TMEM132A: variants seen among roughly 807,000 people sequenced by gnomAD.
TMEM132A encodes the protein transmembrane protein 132A, also known as GRP78-binding protein.
Under a neutral mutation model 69.9 loss-of-function variants are expected in TMEM132A, and 48 were observed. The ratio of observed to expected loss-of-function variants is 0.69; its 90% CI spans 0.55 to 0.87. TMEM132A has a LOEUF of 0.87. TMEM132A is among the 40% of genes least tolerant of loss of function. The pLI is 0.00. For missense variants in TMEM132A, 1,287 were observed against 1,407.2 expected (o/e 0.91, Z 1.37); for synonymous variants, 577 against 613.7 (o/e 0.94, Z 0.88).
chr11:60,927,163 C>T (rs1262615681), intron 1 of TMEM132A, 41 bp from the exon 2 acceptor site: 1 of 1,573,520 alleles, frequency 6.4e-7, no homozygotes, highest in African/African-American at 1.3e-5. Context: ...CCCCTGCCAG[C>T]TCTGGAGCTG....
At position 60,933,604 on chromosome 11, in the gene TMEM132A, G is replaced by A; in HGVS notation, c.1419G>A (p.Val473=). 1 of 1,607,150 alleles carries A rather than the reference G, an allele frequency of 6.2e-7. No individual in the cohort carries two copies. The highest frequency in any genetic ancestry group is 8.5e-7 in the Non-Finnish European group (1 of 1,179,348). ...AGGAGAGCCGGGGCGCCCGGGGGGT[G>A]CGAGTGGACTTCTGGTGGCGCCGGC... is the stretch of plus-strand genomic sequence containing the variant. The part of the protein sequence containing the change: ...AGKESRGARG[V]RVDFWWRRLR... The change falls in exon 8 of 11, where the codon GTG becomes GTA. Residue 473 remains valine (V), a synonymous_variant. Transcript: ENST00000453848.
Position 60,924,654 on chromosome 11 carries a change from T to A in TMEM132A, c.21T>A (p.Gly7=). The change falls in exon 1 of 11, where the codon GGT becomes GGA. Residue 7 remains glycine, a synonymous_variant. Transcript: ENST00000453848. MCARMA[G]RTTAAPRGPY... ...GAAGGATGTGCGCGCGGATGGCCGG[T>A]CGCACAACAGCGGCCCCTCGGGGGC... 6.3e-7 allele frequency: 1 copy of A among 1,594,292 alleles called. No homozygotes were observed. Among genetic ancestry groups the A allele is most frequent in the Non-Finnish European group, 8.5e-7 (1 of 1,176,424 alleles).
chr11:60,935,929 C>T lies in TMEM132A; in HGVS notation c.2094C>T (p.Asp698=), dbSNP rs1856584412. The change falls in exon 11 of 11, where the codon GAC becomes GAT. Residue 698 remains aspartate, a synonymous_variant. Transcript: ENST00000453848. The surrounding 1 kb of genome is among the most constrained non-coding windows in gnomAD (Gnocchi z 5.0). ...CTGTGGCCCCAGCTGAGCTCTACGA[C>T]CGCCGTGACCTGGGACTGTCCGTCT... is the stretch of plus-strand genomic sequence containing the variant. ...DHTVAPAELY[D]RRDLGLSVSA... 3.1e-6 allele frequency: 5 copies of T among 1,612,036 alleles called. No individual in the cohort carries two copies. The highest frequency in any genetic ancestry group is 4.2e-6 in the Non-Finnish European group (5 of 1,179,998).
At position 60,930,554 on chromosome 11, in the gene TMEM132A, C is replaced by T. The variant is rs1252931505; in HGVS notation, c.911C>T (p.Ala304Val). 6.2e-7 allele frequency: 1 copy of T among 1,612,570 alleles called. No homozygotes were observed. The highest frequency in any genetic ancestry group is 1.1e-5 in the South Asian group (1 of 90,910). ...KGLHVTAARP[A>V]QPTLWTAKLD... ...CTGCATGTGACAGCCGCCCGCCCAG[C>T]CCAGCCCACACTCTGGACTGCCAAG... Residue 304 changes from alanine (A) to valine (V), a missense_variant, in exon 5 of 11, where the codon GCC becomes GTC. Coordinates refer to ENST00000453848, the MANE Select transcript of TMEM132A (RefSeq NM_178031.3).
At position 60,928,638 on chromosome 11, in the gene TMEM132A, G is replaced by A. The variant is rs1856402030; in HGVS notation, c.544G>A (p.Gly182Ser). The A allele has an allele frequency of 6.2e-7, 1 of 1,608,416 alleles. No individual in the cohort carries two copies. Among genetic ancestry groups the A allele is most frequent in the Non-Finnish European group, 8.5e-7 (1 of 1,179,884 alleles). The change falls in exon 4 of 11, where the codon GGC (glycine) becomes AGC (serine). Residue 182 changes from glycine (G) to serine (S), a missense_variant. Coordinates refer to ENST00000453848, the MANE Select transcript of TMEM132A (RefSeq NM_178031.3). The stretch of plus-strand genomic sequence containing the variant: ...TGTCGTGTCTTCACAGCCATCCCTG[G>A]GCGCCTGCGTGGTGGAGCTGGAGCT... ...HQACRFQPSL[G>S]ACVVELELPS...
In TMEM132A at chr11:60,936,206, A is replaced by G; in HGVS notation, c.2371A>G (p.Met791Val). The change falls in exon 11 of 11, where the codon ATG becomes GTG. Residue 791 changes from methionine to valine, a missense_variant. Transcript: ENST00000453848. ...AWSPPATEAT[M>V]GGKRQVAGSV... ...GAGCCCACCAGCCACAGAAGCCACCATGGGTGGTAAACGGCAGGTGGCAGG... is the reference window on the plus strand; with the variant it reads ...GAGCCCACCAGCCACAGAAGCCACCGTGGGTGGTAAACGGCAGGTGGCAGG... 6.2e-7 allele frequency: 1 copy of G among 1,613,756 alleles called. No individual in the cohort carries two copies. Among genetic ancestry groups the G allele is most frequent in the Non-Finnish European group, 8.5e-7 (1 of 1,179,878 alleles).
intron 8 of TMEM132A, chr11:60,934,223 C>G (rs1156637865): frequency 1.7e-5 from 7 of 401,588 alleles, no homozygotes; most frequent in Admixed American, 4.5e-5. Flanking sequence ...CCCCCAGGGT[C>G]CCCGTAAGAG....
At chr11:60,930,450 C>T in intron 4 of TMEM132A, 60 bp from the exon 5 acceptor site, 1 of 1,501,458 alleles carries the variant, frequency 6.7e-7, no homozygotes, top group Non-Finnish European at 8.9e-7. Flanking sequence ...CTTTCCCCTT[C>T]AATCCAGCCC....
chr11:60,935,923 C>G lies in TMEM132A; in HGVS notation c.2088C>G (p.Leu696=). 6.2e-7 allele frequency: 1 copy of G among 1,611,904 alleles called. No homozygotes were observed. The highest frequency in any genetic ancestry group is 1.1e-5 in the South Asian group (1 of 90,994). The change falls in exon 11 of 11, where the codon CTC becomes CTG. Residue 696 remains leucine (L), a synonymous_variant. Coordinates refer to ENST00000453848, the MANE Select transcript of TMEM132A (RefSeq NM_178031.3). The surrounding 1 kb of genome is among the most constrained non-coding windows in gnomAD (Gnocchi z 5.0). ...FSDHTVAPAE[L]YDRRDLGLSV... is the part of the protein sequence containing the mutation. ...ATCACACTGTGGCCCCAGCTGAGCT[C>G]TACGACCGCCGTGACCTGGGACTGT...
intron 1 of TMEM132A, among the ~76,000 whole-genome samples, chr11:60,926,283 TG>T (rs1856344983): frequency 6.6e-6 from 1 of 152,136 alleles, no homozygotes; most frequent in South Asian, 2.1e-4. Flanking sequence ...GGCTAATACC[TG>T]GGATCAACCC....
chr11:60,927,932 A>G (rs753749618), intron 3 of TMEM132A, 73 bp downstream of exon 3: 1 of 1,365,424 alleles, frequency 7.3e-7, no homozygotes, highest in Non-Finnish European at 1.0e-6. Context: ...CGCGGCAGAG[A>G]GGAAACCCCC....
Position 60,933,641 on chromosome 11 carries a change from C to T in TMEM132A, c.1456C>T (p.Leu486=), listed in dbSNP as rs372065551. 63 of 1,605,570 alleles carry T rather than the reference C, an allele frequency of 3.9e-5. No individual in the cohort carries two copies. In the Middle Eastern group the frequency reaches 6.3e-4, roughly 16 times the overall value. Reference sequence around the variant, plus strand: ...CTGGTGGCGCCGGCTCCGCGCCTCGCTGCGGCTGACCGTGTGGGCCCCCCT... The same window carrying T: ...CTGGTGGCGCCGGCTCCGCGCCTCGTTGCGGCTGACCGTGTGGGCCCCCCT... ...DFWWRRLRAS[L]RLTVWAPLLP... The change falls in exon 8 of 11, where the codon CTG becomes TTG. Residue 486 remains leucine, a synonymous_variant. Coordinates refer to ENST00000453848, the MANE Select transcript of TMEM132A (RefSeq NM_178031.3).
intron 4 of TMEM132A, 150 bp from the exon 5 acceptor site, chr11:60,930,360 C>A: frequency 2.3e-6 from 2 of 871,962 alleles, no homozygotes; most frequent in Non-Finnish European, 3.4e-6. Flanking sequence ...TGCACTGAGG[C>A]GGGGTCCTTC....
At position 60,924,609 on chromosome 11, in the gene TMEM132A, C is replaced by T; in HGVS notation, c.-25C>T. Reference sequence around the variant, plus strand: ...GACTGGGGCCACCTGAGCCGCCCGCCTCGTCCCCGCCTTCTGTGGGAAGGA... The same window carrying T: ...GACTGGGGCCACCTGAGCCGCCCGCTTCGTCCCCGCCTTCTGTGGGAAGGA... On this transcript the variant is annotated 5_prime_UTR_variant, in exon 1 of 11. Transcript: ENST00000453848. 1 of 1,573,142 alleles carries T rather than the reference C, an allele frequency of 6.4e-7. No individual in the cohort carries two copies. Among genetic ancestry groups the T allele is most frequent in the Non-Finnish European group, 8.6e-7 (1 of 1,166,158 alleles).
chr11:60,934,437 G>A, intron 8 of TMEM132A, 51 bp from the exon 9 acceptor site: 3 of 1,331,424 alleles, frequency 2.3e-6, no homozygotes, highest in South Asian at 1.9e-5. Flanking sequence ...GCCCTGGGCA[G>A]GCTGGGGCCG....
At chr11:60,928,502 C>G in intron 3 of TMEM132A, 127 bp from the exon 4 acceptor site, 1 of 884,734 alleles carries the variant, frequency 1.1e-6, no homozygotes, top group South Asian at 1.7e-5. Context: ...GGCTGTGTCT[C>G]CGGCCCATGC....
rs1464145480 is a variant in TMEM132A, at chr11:60,928,755, T to A, written c.661T>A (p.Ser221Thr). 6.8e-6 allele frequency: 11 copies of A among 1,608,918 alleles called. No homozygotes were observed. Among genetic ancestry groups the A allele is most frequent in the Non-Finnish European group, 9.3e-6 (11 of 1,178,348 alleles). ...PAAEGPGGCG[S>T]GEENDPGEQA... ...AGCTGAGGGCCCTGGGGGCTGTGGC[T>A]CCGGCGAGGAGAACGACCCTGGGGA... Residue 221 changes from serine to threonine, a missense_variant, in exon 4 of 11, where the codon TCC becomes ACC. Ser to Thr is a moderately conservative substitution (Grantham distance 58, BLOSUM62 1). Coordinates refer to ENST00000453848, the MANE Select transcript of TMEM132A (RefSeq NM_178031.3).
chr11:60,927,409 C>A lies in TMEM132A; in HGVS notation c.306C>A (p.Ala102=). 6.2e-7 allele frequency: 1 copy of A among 1,612,268 alleles called. No homozygotes were observed. The highest frequency in any genetic ancestry group is 1.1e-5 in the South Asian group (1 of 90,978). ...PLLRASYPPF[A]TQQVVPPRVT... is the part of the protein sequence containing the mutation. ...TCCGGGCCTCCTACCCACCTTTTGC[C>A]ACTCAGCAGGTAAGGAGGGGGCACC... Residue 102 remains alanine, a synonymous_variant, in exon 2 of 11, where the codon GCC becomes GCA. Coordinates refer to ENST00000453848, the MANE Select transcript of TMEM132A (RefSeq NM_178031.3).
At chr11:60,934,825 G>A in intron 9 of TMEM132A, 61 bp downstream of exon 9, 2 of 1,502,844 alleles carry the variant, frequency 1.3e-6, no homozygotes, top group East Asian at 2.3e-5. Context: ...CCCCCAAAAT[G>A]TTCGTGGGTG....
Sources: allele counts gnomAD v4.1 joint callset (sites outside exome capture counted in the v4.1 genomes callset), GRCh38; gene constraint gnomAD v4.1.1; non-coding constraint Gnocchi (gnomAD v3.1); transcripts MANE v1.5; gene names NCBI Gene and HGNC (gene_info 2026-07-23, HGNC 2026-07-21).